EPS15L1: variants seen among roughly 807,000 people sequenced by gnomAD.
The protein encoded by EPS15L1 is epidermal growth factor receptor pathway substrate 15 like 1.
Under a neutral mutation model 117.1 loss-of-function variants are expected in EPS15L1, and 43 were observed. The ratio of observed to expected loss-of-function variants is 0.37; its 90% CI spans 0.29 to 0.47. The LOEUF (loss-of-function observed/expected upper bound fraction) is 0.47, where lower values mean the gene tolerates loss of function less well. EPS15L1 is among the 20% of genes least tolerant of loss of function. EPS15L1 has a pLI of 0.99. For synonymous variants in EPS15L1, 459 were observed against 470.5 expected, an observed-to-expected ratio of 0.98 and a Z score of 0.32; for missense variants, 981 against 1,164.0, an observed-to-expected ratio of 0.84 and a Z score of 2.29.
chr19:16,444,722 G>C (rs745397753), intron 1 of EPS15L1, among the ~76,000 whole-genome samples: 3 of 149,288 alleles, frequency 2.0e-5, no homozygotes, highest in Non-Finnish European at 3.0e-5. Flanking sequence ...CACATTTCCA[G>C]ACAAGTTTTT....
At chr19:16,468,606 A>C (rs1302343879) in intron 1 of EPS15L1, among the ~76,000 whole-genome samples, 3 of 152,208 alleles carry the variant, frequency 2.0e-5, no homozygotes, top group African/African-American at 7.2e-5. Context: ...TCAGCCTCCT[A>C]AAGTGCTGGG....
At position 16,355,824 on chromosome 19, in the gene EPS15L1, A is replaced by G; in HGVS notation, c.2614T>C (p.Trp872Arg). Residue 872 changes from tryptophan to arginine, a missense_variant, in exon 24 of 24, where the codon TGG becomes CGG. Physicochemically the swap from Trp to Arg is moderately radical, Grantham distance 101. Around this residue, in one of 5 missense-constraint regions of EPS15L1, gnomAD observed 819 missense variants for 949.0 expected, o/e 0.86. Coordinates refer to ENST00000455140, the MANE Select transcript of EPS15L1 (RefSeq NM_001258374.3). ...SFGNEEQQLA[W>R]AKRESEKAEQ... ...GCCTTCTCGCTCTCCCGCTTGGCCC[A>G]CGCCAGCTGCTGCTCCTCATTGCCA... 6.5e-7 allele frequency: 1 copy of G among 1,536,030 alleles called. No individual in the cohort carries two copies. The highest frequency in any genetic ancestry group is 8.7e-7 in the Non-Finnish European group (1 of 1,146,804).
intron 7 of EPS15L1, among the ~76,000 whole-genome samples, chr19:16,429,549 G>A (rs1037086070): frequency 7.2e-5 from 11 of 152,216 alleles, no homozygotes; most frequent in Middle Eastern, 3.4e-3. Flanking sequence ...CTGCTGCTGC[G>A]CCCGAGGCTC....
In EPS15L1 at chr19:16,400,371, AC is replaced by A. The variant is rs1185499520; in HGVS notation, c.1791+1949del. ...AAAACAAAAACAAAAAAAAAAAAAA[AC>A]CCCTGACTTTTGAGATAAAGTCACA... On this transcript the variant is annotated intron_variant, in intron 16 of 23. Transcript: ENST00000455140. Among the ~76,000 whole-genome samples, 14 of 151,080 alleles carry A rather than the reference AC, an allele frequency of 9.3e-5. 1 individual carries two copies. The highest frequency in any genetic ancestry group is 6.0e-4 in the Admixed American group (9 of 15,016).
At chr19:16,380,969 ACAT>A (rs2092355726) in intron 21 of EPS15L1, among the ~76,000 whole-genome samples, 1 of 152,216 alleles carries the variant, frequency 6.6e-6, no homozygotes, top group Admixed American at 6.5e-5. Flanking sequence ...AGTCAGAGCC[ACAT>A]CAGAGACAGA....
intron 1 of EPS15L1, among the ~76,000 whole-genome samples, chr19:16,461,441 G>A (rs1315184624): frequency 6.6e-6 from 1 of 152,008 alleles, no homozygotes; most frequent in Admixed American, 6.6e-5. Context: ...AGGCAACATG[G>A]AGAAACCCCA....
At chr19:16,447,226 GT>G (rs2093092402) in intron 1 of EPS15L1, among the ~76,000 whole-genome samples, 1 of 152,136 alleles carries the variant, frequency 6.6e-6, no homozygotes, top group Non-Finnish European at 1.5e-5. Context: ...AAACGCTGGG[GT>G]ATGTCTAACC....
chr19:16,444,045 C>T (rs1318615421), intron 1 of EPS15L1, among the ~76,000 whole-genome samples: 2 of 124,410 alleles, frequency 1.6e-5, no homozygotes, highest in Admixed American at 1.0e-4. Context: ...GCCCAGGCGA[C>T]GGTGCGAGAC....
rs561510274 is a variant in EPS15L1, at chr19:16,404,062, C to G, written c.1429-132G>C. 12 of 780,296 alleles carry G rather than the reference C, an allele frequency of 1.5e-5. No individual in the cohort carries two copies. In the East Asian group the frequency reaches 2.9e-4, roughly 19 times the overall value. The allele number at this position is 780,296 out of a possible 1,614,324, so 48.3% of individuals were successfully genotyped here. ...ACGCAGACACCTAACCCAGGCCCGA[C>G]ACCTGGCTTCCTTACAGGCCTCTTT... is the stretch of plus-strand genomic sequence containing the variant. On this transcript the variant is annotated intron_variant, in intron 14 of 23. Coordinates refer to ENST00000455140, the MANE Select transcript of EPS15L1 (RefSeq NM_001258374.3). This position sits in a 1 kb window ranked among gnomAD's most constrained non-coding sequence, Gnocchi z 4.2.
chr19:16,398,344 G>A (rs1450607499), intron 16 of EPS15L1, among the ~76,000 whole-genome samples: 3 of 152,332 alleles, frequency 2.0e-5, no homozygotes, highest in African/African-American at 4.8e-5. Flanking sequence ...AAACCAAGCC[G>A]GGTTCTTAGA....
intron 17 of EPS15L1, 141 bp downstream of exon 17, chr19:16,395,200 CCAA>C: frequency 1.4e-6 from 1 of 727,856 alleles, no homozygotes; most frequent in Non-Finnish European, 2.1e-6. Flanking sequence ...GAGTTCGTCT[CCAA>C]AAAAAAAAAA....
At position 16,471,960 on chromosome 19, in the gene EPS15L1, G is replaced by C; in HGVS notation, c.-15C>G. 1.6e-6 allele frequency: 2 copies of C among 1,282,684 alleles called. No homozygotes were observed. Among genetic ancestry groups the C allele is most frequent in the South Asian group, 2.4e-5 (1 of 41,062 alleles). 79.5% of individuals were successfully genotyped at this position (1,282,684 alleles called of 1,614,324 possible). ...GGCGCCGCCATCTTCCCGCGGACTCGGGCTCCGAGCGCCGGGGGAACGGGG... is the reference window on the plus strand; with the variant it reads ...GGCGCCGCCATCTTCCCGCGGACTCCGGCTCCGAGCGCCGGGGGAACGGGG... On this transcript the variant is annotated 5_prime_UTR_variant, in exon 1 of 24. Coordinates refer to ENST00000455140, the MANE Select transcript of EPS15L1 (RefSeq NM_001258374.3). This position sits in a 1 kb window ranked among gnomAD's most constrained non-coding sequence, Gnocchi z 4.8.
chr19:16,450,593 G>A (rs1366924053), intron 1 of EPS15L1, among the ~76,000 whole-genome samples: 1 of 147,286 alleles, frequency 6.8e-6, no homozygotes, highest in Non-Finnish European at 1.5e-5. Flanking sequence ...TGATTCTCCT[G>A]CCTCAGCCTC....
intron 22 of EPS15L1, among the ~76,000 whole-genome samples, chr19:16,372,485 G>A (rs2092238925): frequency 6.6e-6 from 1 of 152,236 alleles, no homozygotes. Context: ...ATGACCCACA[G>A]AGGACGCTGG....
chr19:16,373,148 G>A, intron 22 of EPS15L1, among the ~76,000 whole-genome samples: 1 of 152,180 alleles, frequency 6.6e-6, no homozygotes, highest in Admixed American at 6.5e-5. Context: ...GTTTAAGACT[G>A]CCCACTGGAC....
At position 16,441,964 on chromosome 19, in the gene EPS15L1, T is replaced by G. The variant is rs1368736312; in HGVS notation, c.93A>C (p.Thr31=). 1 of 1,613,628 alleles carries G rather than the reference T, an allele frequency of 6.2e-7. No individual in the cohort carries two copies. The highest frequency in any genetic ancestry group is 1.1e-5 in the South Asian group (1 of 90,994). ...SYYKQVDPAY[T]GRVGASEAAL... Reference sequence around the variant, plus strand: ...CAGCTTCACTCGCCCCCACCCTCCCTGTGTATGCCGGATCGACCTGAAATG... The same window carrying G: ...CAGCTTCACTCGCCCCCACCCTCCCGGTGTATGCCGGATCGACCTGAAATG... Residue 31 remains threonine, a synonymous_variant, in exon 3 of 24, where the codon ACA becomes ACC. Transcript: ENST00000455140.
intron 22 of EPS15L1, among the ~76,000 whole-genome samples, chr19:16,362,231 G>C (rs2092065262): frequency 6.6e-6 from 1 of 152,206 alleles, no homozygotes. Flanking sequence ...AACGCACACA[G>C]AGCAGCTAAA....
intron 21 of EPS15L1, among the ~76,000 whole-genome samples, chr19:16,378,276 C>G (rs1225339409): frequency 6.6e-6 from 1 of 152,036 alleles, no homozygotes; most frequent in Non-Finnish European, 1.5e-5. Context: ...TTCATCGCTG[C>G]CCCAGCTGCC....
At chr19:16,430,262 CTG>C (rs1183629675) in intron 7 of EPS15L1, among the ~76,000 whole-genome samples, 2 of 152,206 alleles carry the variant, frequency 1.3e-5, no homozygotes, top group African/African-American at 4.8e-5. Context: ...CTGGGCCAAA[CTG>C]TGATTATCAG....
Sources: allele counts gnomAD v4.1 joint callset (sites outside exome capture counted in the v4.1 genomes callset), GRCh38; gene constraint gnomAD v4.1.1; regional missense constraint gnomAD v4.1.1; non-coding constraint Gnocchi (gnomAD v3.1); transcripts MANE v1.5; gene names NCBI Gene and HGNC (gene_info 2026-07-23, HGNC 2026-07-21).